CCDC186: variants seen among roughly 807,000 people sequenced by gnomAD.
CCDC186 encodes the protein coiled-coil domain-containing protein 186.
A neutral mutation model predicts 113.7 loss-of-function variants in CCDC186; 49 were observed. The observed-to-expected ratio is 0.43, with a 90% CI of 0.34 to 0.55. CCDC186 has a LOEUF of 0.55. Ranked by LOEUF, CCDC186 falls within the 20% of genes least tolerant of loss-of-function variation. The pLI, the probability that CCDC186 is intolerant of heterozygous loss-of-function variation, is 0.02. For synonymous variants in CCDC186, 355 were observed against 345.8 expected (o/e 1.03, Z -0.30); for missense variants, 890 against 1,011.1 (o/e 0.88, Z 1.62).
intron 5 of CCDC186, among the ~76,000 whole-genome samples, chr10:114,145,154 A>G (rs906387254): frequency 1.3e-5 from 2 of 152,118 alleles, no homozygotes; most frequent in Non-Finnish European, 2.9e-5. Flanking sequence ...GTGATGTGTT[A>G]TATTAAGATT....
chr10:114,169,108 CT>C (rs1297441767), intron 1 of CCDC186, among the ~76,000 whole-genome samples: 3 of 151,924 alleles, frequency 2.0e-5, no homozygotes, highest in Non-Finnish European at 4.4e-5. Context: ...AGTATTTTAA[CT>C]TTAAGGTTTG....
intron 1 of CCDC186, chr10:114,173,258 T>A: frequency 2.2e-6 from 1 of 453,930 alleles, no homozygotes; most frequent in South Asian, 1.6e-5. Flanking sequence ...AATCCAGGAC[T>A]TTTTCCTCTA....
At chr10:114,146,354 G>T (rs1015495629) in intron 4 of CCDC186, among the ~76,000 whole-genome samples, 1 of 152,184 alleles carries the variant, frequency 6.6e-6, no homozygotes, top group Non-Finnish European at 1.5e-5. Context: ...CCTTGACAAA[G>T]AATCTTTTTA....
chr10:114,165,392 ACTTT>A (rs992006376), intron 1 of CCDC186, among the ~76,000 whole-genome samples: 1 of 152,170 alleles, frequency 6.6e-6, no homozygotes, highest in African/African-American at 2.4e-5. Flanking sequence ...AAAGTAACTC[ACTTT>A]AAGATATAAC....
chr10:114,146,026 C>CAG (rs1326973228), intron 4 of CCDC186, among the ~76,000 whole-genome samples: 1 of 152,168 alleles, frequency 6.6e-6, no homozygotes, highest in Non-Finnish European at 1.5e-5. Context: ...CGTACTCCTC[C>CAG]AGATCCCCTT....
intron 6 of CCDC186, 68 bp downstream of exon 6, chr10:114,144,429 A>G (rs1287269647): frequency 6.5e-7 from 1 of 1,530,144 alleles, no homozygotes; most frequent in Admixed American, 2.2e-5. Context: ...CTCAAAAAAA[A>G]AACAAAAACA....
chr10:114,142,938 T>C (rs2031524678), intron 6 of CCDC186, among the ~76,000 whole-genome samples: 1 of 152,120 alleles, frequency 6.6e-6, no homozygotes, highest in African/African-American at 2.4e-5. Flanking sequence ...AATAGGTAAA[T>C]ACATAAAACA....
intron 4 of CCDC186, among the ~76,000 whole-genome samples, chr10:114,147,210 T>C (rs1213350476): frequency 1.3e-5 from 2 of 152,190 alleles, no homozygotes; most frequent in African/African-American, 4.8e-5. Context: ...ATTCAGATAA[T>C]GTATCATCTA....
In CCDC186 at chr10:114,127,477, T is replaced by G; in HGVS notation, c.2377A>C (p.Ile793Leu). The change falls in exon 14 of 16, where the codon ATT becomes CTT. Residue 793 changes from isoleucine to leucine, a missense_variant. By Grantham distance (5) the Ile-to-Leu change is conservative. Coordinates refer to ENST00000369287, the MANE Select transcript of CCDC186 (RefSeq NM_018017.4). ...AATACATACTTTGTTTTTTTCCTAA[T>G]TTCTTCCACCAGTTGTTTGATGTGG... ...EDHIKQLVEEIRKKTKIIQSY... is the reference protein window; with the variant it reads ...EDHIKQLVEELRKKTKIIQSY... The G allele has an allele frequency of 1.2e-6, 2 of 1,613,904 alleles. No individual in the cohort carries two copies. The highest frequency in any genetic ancestry group is 1.7e-6 in the Non-Finnish European group (2 of 1,179,952).
At chr10:114,156,399 T>C (rs1481520912) in intron 3 of CCDC186, among the ~76,000 whole-genome samples, 2 of 152,236 alleles carry the variant, frequency 1.3e-5, no homozygotes, top group Non-Finnish European at 2.9e-5. Flanking sequence ...ACTCACTTTG[T>C]TGATTCATGC....
intron 1 of CCDC186, among the ~76,000 whole-genome samples, chr10:114,164,633 A>G (rs2032283098): frequency 6.6e-6 from 1 of 152,200 alleles, no homozygotes; most frequent in Non-Finnish European, 1.5e-5. Flanking sequence ...TAAAAAGAGG[A>G]CAGATCATAG....
At chr10:114,166,293 C>G (rs2032334728) in intron 1 of CCDC186, among the ~76,000 whole-genome samples, 1 of 152,194 alleles carries the variant, frequency 6.6e-6, no homozygotes, top group South Asian at 2.1e-4. Context: ...AAAGATTCCC[C>G]CAACTTGCGT....
intron 7 of CCDC186, 64 bp downstream of exon 7, chr10:114,137,122 A>C: frequency 7.0e-6 from 9 of 1,289,702 alleles, no homozygotes; most frequent in Non-Finnish European, 7.8e-6. Flanking sequence ...ATCTAAAAAA[A>C]GAAAAAGAGA....
At chr10:114,158,093 T>C (rs747538973) in intron 2 of CCDC186, among the ~76,000 whole-genome samples, 7 of 152,216 alleles carry the variant, frequency 4.6e-5, no homozygotes, top group Non-Finnish European at 1.0e-4. Flanking sequence ...GGGTAGGGGC[T>C]GCTACTGGCA....
intron 4 of CCDC186, among the ~76,000 whole-genome samples, chr10:114,146,369 AT>A (rs143642143): frequency 6.6e-6 from 1 of 152,268 alleles, no homozygotes; most frequent in East Asian, 1.9e-4. Flanking sequence ...TTTTTATTAA[AT>A]TATCTTCATC....
chr10:114,133,528 A>C (rs2031159845), intron 10 of CCDC186, among the ~76,000 whole-genome samples: 1 of 152,220 alleles, frequency 6.6e-6, no homozygotes, highest in Non-Finnish European at 1.5e-5. Flanking sequence ...CAAAGTTACA[A>C]TAAAATTAGA....
chr10:114,139,922 C>T (rs1353601121), intron 6 of CCDC186, among the ~76,000 whole-genome samples: 1 of 151,998 alleles, frequency 6.6e-6, no homozygotes, highest in Non-Finnish European at 1.5e-5. Context: ...TCCCATATGC[C>T]AAATAAATAT....
rs1336942398 is a variant in CCDC186, at chr10:114,120,958, G to T, written c.*4185C>A. On this transcript the variant is annotated 3_prime_UTR_variant, in exon 16 of 16. Transcript: ENST00000369287. ...TACAGAAACATATTTACAAGAAACA[G>T]TGTAATCAAATTAAAGGTATCTGTA... The T allele has an allele frequency of 6.6e-6, 1 of 152,046 alleles. No individual in the cohort carries two copies. Among genetic ancestry groups the T allele is most frequent in the African/African-American group, 2.4e-5 (1 of 41,402 alleles). 9.4% of individuals were successfully genotyped at this position (152,046 alleles called of 1,614,324 possible).
At chr10:114,157,739 T>G in intron 2 of CCDC186, 59 bp from the exon 3 acceptor site, 2 of 1,342,072 alleles carry the variant, frequency 1.5e-6, no homozygotes, top group Middle Eastern at 2.6e-4. Context: ...TAAAATAATA[T>G]GTGGAATATA....
Sources: gnomAD v4.1 joint callset for allele counts (sites outside exome capture counted in the v4.1 genomes callset) on GRCh38, gnomAD v4.1.1 for gene constraint, MANE v1.5 for transcripts, NCBI Gene and HGNC (gene_info 2026-07-23, HGNC 2026-07-21) for gene names.